The following CAMK2B variants were observed in gnomAD, a reference collection of about 807,000 sequenced individuals.
CAMK2B encodes the protein calcium/calmodulin dependent protein kinase II beta, also known as calcium/calmodulin-dependent protein kinase type II subunit beta.
CAMK2B carries 27 observed loss-of-function variants against 93.7 expected under a neutral mutation model. That is an observed-to-expected ratio of 0.29 (90% CI 0.21 to 0.40). The LOEUF (loss-of-function observed/expected upper bound fraction) is 0.40. CAMK2B is among the 10% of genes least tolerant of loss of function. CAMK2B has a pLI of 1.00. For synonymous variants in CAMK2B, 374 were observed against 358.8 expected (o/e 1.04, Z -0.48); for missense variants, 568 against 895.8 (o/e 0.63, Z 4.67).
intron 1 of CAMK2B, among the ~76,000 whole-genome samples, chr7:44,288,073 C>G (rs1462103480): frequency 6.6e-6 from 1 of 152,206 alleles, no homozygotes. Context: ...GGAAGAGCGG[C>G]CCCTAGAGTG....
chr7:44,257,785 A>G (rs1405710070), intron 4 of CAMK2B, among the ~76,000 whole-genome samples: 2 of 152,220 alleles, frequency 1.3e-5, no homozygotes, highest in Non-Finnish European at 2.9e-5. Context: ...AGGCCAGAGA[A>G]CCTCACATGG....
At chr7:44,300,518 G>A (rs1231947877) in intron 1 of CAMK2B, among the ~76,000 whole-genome samples, 5 of 151,940 alleles carry the variant, frequency 3.3e-5, no homozygotes, top group African/African-American at 1.2e-4. Context: ...TACAACCAGG[G>A]AAATTATCAG....
chr7:44,317,509 C>T (rs759606010), intron 1 of CAMK2B, among the ~76,000 whole-genome samples: 3 of 152,146 alleles, frequency 2.0e-5, no homozygotes, highest in Non-Finnish European at 2.9e-5. Context: ...TCTCTAACTC[C>T]TGGGCTCAAG....
intron 1 of CAMK2B, among the ~76,000 whole-genome samples, chr7:44,287,419 CG>C (rs1563026934): frequency 6.6e-6 from 1 of 152,196 alleles, no homozygotes; most frequent in Non-Finnish European, 1.5e-5. Context: ...GCCATCTCCC[CG>C]GGGAACTTGG....
chr7:44,239,122 G>T (rs1327726759), intron 13 of CAMK2B, among the ~76,000 whole-genome samples: 1 of 152,224 alleles, frequency 6.6e-6, no homozygotes, highest in African/African-American at 2.4e-5. Flanking sequence ...AGACATGCAT[G>T]TGTAGGACTC....
intron 2 of CAMK2B, among the ~76,000 whole-genome samples, chr7:44,281,334 T>G (rs2097100688): frequency 1.3e-5 from 2 of 152,210 alleles, no homozygotes; most frequent in Admixed American, 6.5e-5. Flanking sequence ...ACATATGAGC[T>G]GCTCCCTGGG....
At chr7:44,305,661 G>C (rs772810921) in intron 1 of CAMK2B, among the ~76,000 whole-genome samples, 2 of 152,158 alleles carry the variant, frequency 1.3e-5, no homozygotes, top group Admixed American at 1.3e-4. Flanking sequence ...CACAGGACTT[G>C]AGCCAAGTAG....
chr7:44,310,221 G>C (rs1471153047), intron 1 of CAMK2B, among the ~76,000 whole-genome samples: 2 of 152,256 alleles, frequency 1.3e-5, no homozygotes, highest in African/African-American at 2.4e-5. Flanking sequence ...TATTCTCAAG[G>C]AATGCAAAAG....
chr7:44,233,079 C>T (rs1167575058), intron 15 of CAMK2B, among the ~76,000 whole-genome samples: 1 of 152,026 alleles, frequency 6.6e-6, no homozygotes, highest in Non-Finnish European at 1.5e-5. Flanking sequence ...ATGGAATGGA[C>T]AGGAGCTCTG....
At chr7:44,299,771 G>C (rs1225901555) in intron 1 of CAMK2B, among the ~76,000 whole-genome samples, 1 of 152,082 alleles carries the variant, frequency 6.6e-6, no homozygotes, top group East Asian at 1.9e-4. Flanking sequence ...GTATCTCTTA[G>C]AGCTTTTGGA....
intron 2 of CAMK2B, among the ~76,000 whole-genome samples, chr7:44,266,000 C>T (rs1027175274): frequency 6.6e-6 from 1 of 152,116 alleles, no homozygotes; most frequent in Non-Finnish European, 1.5e-5. Context: ...AACTTCCCCT[C>T]CCCCAGTTTT....
intron 2 of CAMK2B, among the ~76,000 whole-genome samples, chr7:44,276,528 G>A (rs1397325819): frequency 6.6e-6 from 1 of 152,186 alleles, no homozygotes; most frequent in African/African-American, 2.4e-5. Flanking sequence ...CTCAGCCCCA[G>A]CCCCAATGAT....
At chr7:44,325,335 C>T in intron 1 of CAMK2B, 22 bp downstream of exon 1, 1 of 1,225,196 alleles carries the variant, frequency 8.2e-7, no homozygotes, top group Non-Finnish European at 1.0e-6. Context: ...CCGGCCCAGC[C>T]CGCGCGCGCC....
intron 12 of CAMK2B, among the ~76,000 whole-genome samples, chr7:44,240,395 C>T (rs1020348730): frequency 6.6e-6 from 1 of 152,112 alleles, no homozygotes; most frequent in African/African-American, 2.4e-5. Context: ...CATAGATGCC[C>T]GACAAACGCC....
intron 2 of CAMK2B, among the ~76,000 whole-genome samples, chr7:44,277,563 G>T (rs2129077196): frequency 1.3e-5 from 2 of 152,310 alleles, no homozygotes; most frequent in East Asian, 3.9e-4. Flanking sequence ...GGACATGAGT[G>T]AGTGTGGGGA....
Position 44,312,019 on chromosome 7 carries a change from C to A in CAMK2B, c.65+13338G>T, listed in dbSNP as rs1042442121. On this transcript the variant is annotated intron_variant, in intron 1 of 23. Coordinates refer to ENST00000395749, the MANE Select transcript of CAMK2B (RefSeq NM_001220.5). The surrounding 1 kb of genome is among the most constrained non-coding windows in gnomAD (Gnocchi z 4.1). ...CCTCGCCACATCTCTGTCCCCACAG[C>A]CCAGAGGGGGAAACTGAGCCCCAGT... is the stretch of plus-strand genomic sequence containing the variant. 6.6e-6 allele frequency among the ~76,000 whole-genome samples: 1 copy of A among 152,208 alleles called. No homozygotes were observed. The highest frequency in any genetic ancestry group is 2.4e-5 in the African/African-American group (1 of 41,450).
intron 12 of CAMK2B, among the ~76,000 whole-genome samples, chr7:44,240,457 G>A (rs545424848): frequency 4.5e-4 from 69 of 152,386 alleles, no homozygotes; most frequent in African/African-American, 1.3e-3. Flanking sequence ...ACAGACGCTC[G>A]TGTTCAGGGG....
At chr7:44,306,030 A>G (rs1791395098) in intron 1 of CAMK2B, among the ~76,000 whole-genome samples, 1 of 151,840 alleles carries the variant, frequency 6.6e-6, no homozygotes, top group South Asian at 2.1e-4. Context: ...CCCTCTACAT[A>G]CCCCAAATAC....
chr7:44,268,340 A>G (rs2129051131), intron 2 of CAMK2B, among the ~76,000 whole-genome samples: 1 of 152,314 alleles, frequency 6.6e-6, no homozygotes, highest in Non-Finnish European at 1.5e-5. Flanking sequence ...TCAATGCAGA[A>G]TCTGATATTT....
Sources: gnomAD v4.1 joint callset for allele counts (sites outside exome capture counted in the v4.1 genomes callset) on GRCh38, gnomAD v4.1.1 for gene constraint, Gnocchi (gnomAD v3.1) non-coding constraint, MANE v1.5 for transcripts, NCBI Gene and HGNC (gene_info 2026-07-23, HGNC 2026-07-21) for gene names.